Variants in MICU2 observed in about 807,000 individuals in gnomAD.
MICU2 encodes the protein calcium uptake protein 2, mitochondrial.
MICU2 carries 64 observed loss-of-function variants against 60.4 expected under a neutral mutation model. The ratio of observed to expected loss-of-function variants is 1.06; its 90% confidence interval spans 0.87 to 1.31. The LOEUF (loss-of-function observed/expected upper bound fraction) is 1.31. Among genes scored for constraint, MICU2 ranks in the 50% most tolerant of loss-of-function variants. MICU2 has a pLI of 0.00. For synonymous variants in MICU2, 201 were observed against 175.0 expected (o/e 1.15, Z -1.17); for missense variants, 569 against 531.0 (o/e 1.07, Z -0.70).
chr13:21,510,870 A>C lies in MICU2; in HGVS notation c.664-769T>G, dbSNP rs77524963. 9.6e-3 allele frequency among the ~76,000 whole-genome samples: 1,360 copies of C among 141,454 alleles called. 18 individuals are homozygous for C. Among genetic ancestry groups the C allele is most frequent in the Non-Finnish European group, 0.01 (690 of 65,868 alleles). 92.8% of individuals were successfully genotyped at this position (141,454 alleles called of 152,430 possible). A position where few individuals can be genotyped will look rare whatever the true frequency, so the allele number is the denominator to read the frequency against. On this transcript the variant is annotated intron_variant, in intron 7 of 11. Transcript: ENST00000382374. The stretch of plus-strand genomic sequence containing the variant: ...TTAATGAATTCCTTAGGAGGAATTC[A>C]TTAAAATCTTCAATTCTGCAATAAG...
chr13:21,589,132 C>T (rs1012790568), intron 1 of MICU2, among the ~76,000 whole-genome samples: 4 of 152,290 alleles, frequency 2.6e-5, no homozygotes, highest in South Asian at 4.1e-4. Context: ...AACAACACTG[C>T]CCCTAATGGA....
At chr13:21,517,815 A>ACGCGCGCGCGCGCG (rs1566144928) in intron 6 of MICU2, among the ~76,000 whole-genome samples, 2 of 146,178 alleles carry the variant, frequency 1.4e-5, no homozygotes, top group African/African-American at 2.6e-5. Context: ...GCGCGCGCGC[A>ACGCGCGCGCGCGCG]CACGCGCTAC....
intron 8 of MICU2, among the ~76,000 whole-genome samples, chr13:21,506,967 G>C (rs1271150664): frequency 6.6e-6 from 1 of 152,154 alleles, no homozygotes; most frequent in African/African-American, 2.4e-5. Flanking sequence ...TAGTACGTTA[G>C]TGCAAGCTTT....
At chr13:21,554,873 C>T (rs1464988520) in intron 2 of MICU2, among the ~76,000 whole-genome samples, 1 of 152,128 alleles carries the variant, frequency 6.6e-6, no homozygotes, top group African/African-American at 2.4e-5. Flanking sequence ...AAACTACCAT[C>T]AGAGAATACT....
intron 1 of MICU2, among the ~76,000 whole-genome samples, chr13:21,580,677 G>C (rs1888328590): frequency 6.6e-6 from 1 of 150,540 alleles, no homozygotes; most frequent in South Asian, 2.1e-4. Context: ...ATATTTATGG[G>C]CTATTGTTTA....
At chr13:21,593,927 C>T (rs1888639781) in intron 1 of MICU2, among the ~76,000 whole-genome samples, 1 of 152,082 alleles carries the variant, frequency 6.6e-6, no homozygotes. Flanking sequence ...CCATAAAAAC[C>T]CTAATAGAAA....
chr13:21,533,615 G>A (rs983374186), intron 4 of MICU2, among the ~76,000 whole-genome samples: 14 of 152,098 alleles, frequency 9.2e-5, no homozygotes, highest in African/African-American at 2.9e-4. Context: ...GAGCCACTGC[G>A]CCCGGACAAG....
chr13:21,584,345 C>T (rs1888414091), intron 1 of MICU2, among the ~76,000 whole-genome samples: 1 of 150,310 alleles, frequency 6.7e-6, no homozygotes, highest in African/African-American at 2.5e-5. Context: ...GCCGAGATCA[C>T]ACCACTGCAC....
intron 8 of MICU2, among the ~76,000 whole-genome samples, chr13:21,507,664 C>T (rs943926426): frequency 6.7e-6 from 1 of 149,130 alleles, no homozygotes; most frequent in Admixed American, 6.7e-5. Context: ...AGTGCAGTGG[C>T]GCAGTCTTGG....
chr13:21,524,086 C>G (rs979786550), intron 4 of MICU2, among the ~76,000 whole-genome samples: 1 of 152,128 alleles, frequency 6.6e-6, no homozygotes, highest in Non-Finnish European at 1.5e-5. Context: ...GAAACGATAT[C>G]TCAAAAACCA....
Position 21,500,674 on chromosome 13 carries a change from C to T in MICU2, c.933+2252G>A, listed in dbSNP as rs1001976868. 9.2e-5 allele frequency among the ~76,000 whole-genome samples: 14 copies of T among 152,188 alleles called. No individual in the cohort carries two copies. In the East Asian group the frequency reaches 9.7e-4, roughly 10 times the overall value. Reference sequence around the variant, plus strand: ...CCTTGAGAGAGCCACCCACCTTGGCCTCCCAAAGTGCTGGGATTACAGGAA... The same window carrying T: ...CCTTGAGAGAGCCACCCACCTTGGCTTCCCAAAGTGCTGGGATTACAGGAA... On this transcript the variant is annotated intron_variant, in intron 9 of 11. Coordinates refer to ENST00000382374, the MANE Select transcript of MICU2 (RefSeq NM_152726.3).
At chr13:21,500,375 A>G (rs1019648878) in intron 9 of MICU2, among the ~76,000 whole-genome samples, 6 of 151,044 alleles carry the variant, frequency 4.0e-5, no homozygotes, top group East Asian at 1.9e-4. Flanking sequence ...TTAAATAGGG[A>G]AAAAAAAATC....
intron 2 of MICU2, among the ~76,000 whole-genome samples, chr13:21,545,219 G>A (rs1338533925): frequency 6.6e-6 from 1 of 152,062 alleles, no homozygotes; most frequent in Non-Finnish European, 1.5e-5. Context: ...AACAGATAAT[G>A]AAAATGTGGT....
intron 7 of MICU2, among the ~76,000 whole-genome samples, chr13:21,513,612 T>C (rs544309230): frequency 4.0e-5 from 6 of 151,854 alleles, no homozygotes; most frequent in Admixed American, 3.3e-4. Flanking sequence ...GGGTGGCATG[T>C]GCCTGTAATC....
chr13:21,539,076 C>A (rs1185746459), intron 4 of MICU2, among the ~76,000 whole-genome samples: 1 of 152,088 alleles, frequency 6.6e-6, no homozygotes, highest in Non-Finnish European at 1.5e-5. Flanking sequence ...GAAGGCTTCT[C>A]ATCTTTTATT....
intron 2 of MICU2, among the ~76,000 whole-genome samples, chr13:21,547,298 A>C (rs921577778): frequency 2.6e-5 from 4 of 152,192 alleles, no homozygotes; most frequent in Non-Finnish European, 5.9e-5. Context: ...AATTTTGAAA[A>C]TGCAAATGCT....
At chr13:21,602,615 C>G (rs9506712) in intron 1 of MICU2, 25,665 of 152,048 alleles carry the variant, frequency 0.17, 2,905 homozygotes, top group Non-Finnish European at 0.26. Context: ...CTCCTTGGCA[C>G]AAGATTCACA....
chr13:21,562,346 A>T (rs1018305850), intron 2 of MICU2, among the ~76,000 whole-genome samples: 1 of 152,178 alleles, frequency 6.6e-6, no homozygotes, highest in African/African-American at 2.4e-5. Context: ...AAAGTTTCTT[A>T]TAAACCACAT....
chr13:21,602,623 A>C (rs969166135), intron 1 of MICU2: 19 of 152,252 alleles, frequency 1.2e-4, no homozygotes, highest in African/African-American at 4.3e-4. Flanking sequence ...CACAAGATTC[A>C]CAAAAATGCT....
Sources: allele counts gnomAD v4.1 joint callset (sites outside exome capture counted in the v4.1 genomes callset), GRCh38; gene constraint gnomAD v4.1.1; transcripts MANE v1.5; gene names NCBI Gene and HGNC (gene_info 2026-07-23, HGNC 2026-07-21).